The following MAGI2 variants were observed in gnomAD, a reference collection of about 807,000 sequenced individuals.
MAGI2 encodes the protein membrane associated guanylate kinase, WW and PDZ domain containing 2, also known as membrane-associated guanylate kinase, WW and PDZ domain-containing protein 2.
Under a neutral mutation model 133.3 loss-of-function variants are expected in MAGI2, and 35 were observed. The observed-to-expected ratio is 0.26, with a 90% CI of 0.20 to 0.35. MAGI2 has a LOEUF of 0.35. Ranked by LOEUF, MAGI2 falls within the 10% of genes least tolerant of loss-of-function variation. The pLI is 1.00. For synonymous variants in MAGI2, 729 were observed against 710.6 expected (o/e 1.03, Z -0.41); for missense variants, 1,636 against 1,863.4 (o/e 0.88, Z 2.25).
chr7:78,426,219 T>C lies in MAGI2; in HGVS notation c.1046-57006A>G, dbSNP rs534532865. 4.6e-5 allele frequency among the ~76,000 whole-genome samples: 7 copies of C among 152,212 alleles called. No individual in the cohort carries two copies. The South Asian group carries it at 8.3e-4, about 18-fold the overall frequency. Reference sequence around the variant, plus strand: ...TCATGAAATTGCATTAGGTTGAAGATAGAATAAAAAGGGCCAATGAATGTA... The same window carrying C: ...TCATGAAATTGCATTAGGTTGAAGACAGAATAAAAAGGGCCAATGAATGTA... On this transcript the variant is annotated intron_variant, in intron 6 of 21. Coordinates refer to ENST00000354212, the MANE Select transcript of MAGI2 (RefSeq NM_012301.4).
At chr7:78,660,064 T>C (rs1403626844) in intron 2 of MAGI2, among the ~76,000 whole-genome samples, 3 of 150,924 alleles carry the variant, frequency 2.0e-5, no homozygotes, top group African/African-American at 4.9e-5. Flanking sequence ...TAGGTGGGAA[T>C]TGAACAATGA....
At chr7:78,338,445 T>C (rs1407063060) in intron 9 of MAGI2, among the ~76,000 whole-genome samples, 1 of 152,226 alleles carries the variant, frequency 6.6e-6, no homozygotes, top group East Asian at 1.9e-4. Context: ...CTTTCCTGTG[T>C]ACTATTGTTG....
intron 1 of MAGI2, among the ~76,000 whole-genome samples, chr7:79,212,298 A>G (rs562260895): frequency 2.0e-5 from 3 of 152,090 alleles, no homozygotes; most frequent in Non-Finnish European, 1.5e-5. Context: ...GCTATTGCAT[A>G]TAATCTTCAA....
intron 2 of MAGI2, among the ~76,000 whole-genome samples, chr7:78,988,480 G>T (rs912806297): frequency 7.2e-5 from 11 of 151,994 alleles, no homozygotes; most frequent in African/African-American, 1.7e-4. Context: ...AACATGGAAG[G>T]TTCATTTTAA....
chr7:78,542,032 C>T (rs1283872466), intron 3 of MAGI2, among the ~76,000 whole-genome samples: 7 of 152,070 alleles, frequency 4.6e-5, no homozygotes, highest in South Asian at 4.1e-4. Context: ...CTGCTGTTGT[C>T]GCATGCAGGT....
chr7:79,341,598 G>A (rs1175029206), intron 1 of MAGI2, among the ~76,000 whole-genome samples: 1 of 152,162 alleles, frequency 6.6e-6, no homozygotes, highest in Non-Finnish European at 1.5e-5. Context: ...ACCTTAGAAA[G>A]GTGATAGTTC....
At chr7:79,082,573 G>C (rs1346202117) in intron 1 of MAGI2, among the ~76,000 whole-genome samples, 2 of 151,998 alleles carry the variant, frequency 1.3e-5, no homozygotes, top group Non-Finnish European at 2.9e-5. Context: ...CTGTTTAACT[G>C]TTCTATATGT....
intron 2 of MAGI2, among the ~76,000 whole-genome samples, chr7:78,884,207 G>A (rs557040711): frequency 1.3e-5 from 2 of 152,280 alleles, no homozygotes; most frequent in East Asian, 3.9e-4. Flanking sequence ...GCTAGGCACT[G>A]TGGCTCATAT....
intron 21 of MAGI2, among the ~76,000 whole-genome samples, chr7:78,040,648 G>C (rs1043105180): frequency 6.6e-6 from 1 of 152,120 alleles, no homozygotes; most frequent in African/African-American, 2.4e-5. Flanking sequence ...ACCGCACCCG[G>C]GGCAGGTCAC....
At chr7:78,075,376 CTTTT>C (rs34396344) in intron 21 of MAGI2, among the ~76,000 whole-genome samples, 2 of 126,496 alleles carry the variant, frequency 1.6e-5, no homozygotes. Context: ...TGTAATAAAT[CTTTT>C]TTTTTTTTTT....
At chr7:78,438,521 G>T (rs772681399) in intron 6 of MAGI2, among the ~76,000 whole-genome samples, 4 of 152,180 alleles carry the variant, frequency 2.6e-5, no homozygotes, top group Non-Finnish European at 4.4e-5. Flanking sequence ...CTGACCTTCA[G>T]CATGTGTGTG....
chr7:79,130,074 G>A (rs1487720718), intron 1 of MAGI2, among the ~76,000 whole-genome samples: 3 of 151,190 alleles, frequency 2.0e-5, no homozygotes, highest in South Asian at 4.2e-4. Context: ...GCCAAGATGC[G>A]AGGATCAGTT....
chr7:78,530,499 C>G (rs186516640), intron 3 of MAGI2, among the ~76,000 whole-genome samples: 5 of 152,170 alleles, frequency 3.3e-5, no homozygotes, highest in East Asian at 3.9e-4. Flanking sequence ...CTTGTGTTCA[C>G]GGGTAGGACT....
At chr7:79,184,267 T>C (rs927029838) in intron 1 of MAGI2, among the ~76,000 whole-genome samples, 13 of 151,544 alleles carry the variant, frequency 8.6e-5, no homozygotes, top group African/African-American at 2.9e-4. Context: ...TATATATAAT[T>C]ATTATTGGTC....
intron 10 of MAGI2, among the ~76,000 whole-genome samples, chr7:78,212,303 T>C (rs1787844285): frequency 6.6e-6 from 1 of 152,174 alleles, no homozygotes; most frequent in Admixed American, 6.5e-5. Context: ...TTTGCAGATG[T>C]GATTAAGGCT....
chr7:79,217,088 A>G (rs1019508935), intron 1 of MAGI2, among the ~76,000 whole-genome samples: 4 of 152,082 alleles, frequency 2.6e-5, no homozygotes, highest in Non-Finnish European at 5.9e-5. Context: ...TAGAAAACAT[A>G]TTAGAAATAA....
At chr7:78,720,112 T>G (rs945704323) in intron 2 of MAGI2, among the ~76,000 whole-genome samples, 5 of 152,184 alleles carry the variant, frequency 3.3e-5, no homozygotes, top group Non-Finnish European at 7.4e-5. Flanking sequence ...TAAATTCTTT[T>G]GTAAATATGT....
At chr7:78,503,591 C>CCTCCTCCT (rs1431806503) in intron 4 of MAGI2, among the ~76,000 whole-genome samples, 3 of 97,480 alleles carry the variant, frequency 3.1e-5, no homozygotes, top group African/African-American at 1.1e-4. Flanking sequence ...TCCTCCTCCT[C>CCTCCTCCT]CCCCTCCTCC....
chr7:78,482,964 T>A (rs1792575348), intron 6 of MAGI2, among the ~76,000 whole-genome samples: 1 of 151,558 alleles, frequency 6.6e-6, no homozygotes, highest in Admixed American at 6.6e-5. Context: ...CTTGTATATA[T>A]GTACTTGTAT....
Sources: allele counts gnomAD v4.1 joint callset (sites outside exome capture counted in the v4.1 genomes callset), GRCh38; gene constraint gnomAD v4.1.1; transcripts MANE v1.5; gene names NCBI Gene and HGNC (gene_info 2026-07-23, HGNC 2026-07-21).